NRG3: variants seen among roughly 807,000 people sequenced by gnomAD.
NRG3 encodes the protein neuregulin 3.
A neutral mutation model predicts 66.9 loss-of-function variants in NRG3; 31 were observed. That is an observed-to-expected ratio of 0.46 (90% CI 0.35 to 0.63). The LOEUF is 0.63. Ranked by LOEUF, NRG3 falls within the 20% of genes least tolerant of loss-of-function variation. The probability of loss-of-function intolerance (pLI) is 0.00; values close to 1 mark genes in which losing one functional copy is unlikely to be tolerated. For synonymous variants in NRG3, 393 were observed against 359.4 expected (o/e 1.09, Z -1.06); for missense variants, 910 against 878.9 (o/e 1.04, Z -0.45).
At chr10:82,230,229 C>T (rs1183942141) in intron 1 of NRG3, 1 of 152,138 alleles carries the variant, frequency 6.6e-6, no homozygotes, top group African/African-American at 2.4e-5. Flanking sequence ...ACACAGTCAT[C>T]CGTTGGTATC....
At chr10:82,665,131 C>A (rs1293585856) in intron 2 of NRG3, among the ~76,000 whole-genome samples, 1 of 152,136 alleles carries the variant, frequency 6.6e-6, no homozygotes, top group African/African-American at 2.4e-5. Flanking sequence ...TTTGCTCCAT[C>A]CCGTTCCTGA....
At chr10:82,212,815 TAAC>T (rs2075465413) in intron 1 of NRG3, among the ~76,000 whole-genome samples, 1 of 152,252 alleles carries the variant, frequency 6.6e-6, no homozygotes, top group African/African-American at 2.4e-5. Context: ...ATGGCAGATG[TAAC>T]ATCTGATGTG....
At chr10:82,362,677 A>C (rs545442499) in intron 2 of NRG3, among the ~76,000 whole-genome samples, 2 of 148,778 alleles carry the variant, frequency 1.3e-5, no homozygotes, top group East Asian at 4.0e-4. Flanking sequence ...GGTGTGAGTT[A>C]CTATGCCCAG....
chr10:81,889,467 C>T (rs772647466), intron 1 of NRG3: 1 of 152,162 alleles, frequency 6.6e-6, no homozygotes, highest in Admixed American at 6.5e-5. Flanking sequence ...ATATCGGCAG[C>T]TAAAATTAGT....
intron 4 of NRG3, among the ~76,000 whole-genome samples, chr10:82,890,655 A>T (rs1843072854): frequency 6.6e-6 from 1 of 152,124 alleles, no homozygotes. Flanking sequence ...GGACCATAAG[A>T]TATATGTCTC....
intron 2 of NRG3, among the ~76,000 whole-genome samples, chr10:82,735,771 G>A (rs776481329): frequency 8.5e-5 from 13 of 152,108 alleles, no homozygotes; most frequent in Non-Finnish European, 1.8e-4. Flanking sequence ...GGGTGGCTAG[G>A]GGAGGGATAG....
chr10:82,139,864 A>C (rs1360648566), intron 1 of NRG3, among the ~76,000 whole-genome samples: 1 of 151,970 alleles, frequency 6.6e-6, no homozygotes, highest in Non-Finnish European at 1.5e-5. Context: ...GCAGTGTACA[A>C]CTATCAGAAC....
intron 1 of NRG3, among the ~76,000 whole-genome samples, chr10:82,011,780 C>T (rs572777255): frequency 5.9e-5 from 9 of 152,332 alleles, no homozygotes; most frequent in African/African-American, 2.2e-4. Context: ...CCATGTCTCA[C>T]ATCCAAGTCA....
At chr10:82,183,596 A>G (rs1386544528) in intron 1 of NRG3, among the ~76,000 whole-genome samples, 1 of 152,080 alleles carries the variant, frequency 6.6e-6, no homozygotes, top group Non-Finnish European at 1.5e-5. Context: ...AAGATCAAAC[A>G]AGATATTTAA....
chr10:82,346,110 G>C (rs1439684948), intron 1 of NRG3, among the ~76,000 whole-genome samples: 1 of 146,228 alleles, frequency 6.8e-6, no homozygotes, highest in African/African-American at 2.6e-5. Flanking sequence ...TGTTGAATAG[G>C]AGTGGTGAGA....
intron 1 of NRG3, among the ~76,000 whole-genome samples, chr10:82,355,966 G>A (rs1480975928): frequency 6.6e-6 from 1 of 152,128 alleles, no homozygotes; most frequent in Non-Finnish European, 1.5e-5. Flanking sequence ...TCATTGTGAA[G>A]GTTAAGCATG....
intron 1 of NRG3, among the ~76,000 whole-genome samples, chr10:81,886,182 A>C (rs1589350749): frequency 6.6e-6 from 1 of 152,176 alleles, no homozygotes; most frequent in Non-Finnish European, 1.5e-5. Context: ...ATTAAAAAAC[A>C]AAAACAAAAA....
rs184758222 is a variant in NRG3, at chr10:82,959,221, G to A, written c.1284+146G>A. On this transcript the variant is annotated intron_variant, in intron 6 of 8. Transcript: ENST00000372141. Reference sequence around the variant, plus strand: ...AATCGTTTTAACAGTTCTGGGCTGGGACGTATGCACACATGCATGTATGTA... The same window carrying A: ...AATCGTTTTAACAGTTCTGGGCTGGAACGTATGCACACATGCATGTATGTA... The A allele has an allele frequency of 3.0e-4, 246 of 815,006 alleles. No homozygotes were observed. In the African/African-American group the frequency reaches 3.9e-3, roughly 13 times the overall value. 50.5% of individuals were successfully genotyped at this position (815,006 alleles called of 1,614,324 possible).
Position 82,400,109 on chromosome 10 carries a change from AG to A in NRG3, c.953+41242del, listed in dbSNP as rs576739524. ...TTTAATCGCTAGAAAAAGAAAGCAA[AG>A]CATAGATAACATATATAATTATCCC... On this transcript the variant is annotated intron_variant, in intron 2 of 8. Transcript: ENST00000372141. 3.3e-5 allele frequency among the ~76,000 whole-genome samples: 5 copies of A among 152,282 alleles called. No individual in the cohort carries two copies. The South Asian group carries it at 1.0e-3, about 32-fold the overall frequency.
At chr10:82,882,770 T>C (rs1842413263) in intron 4 of NRG3, among the ~76,000 whole-genome samples, 2 of 152,102 alleles carry the variant, frequency 1.3e-5, no homozygotes, top group South Asian at 4.1e-4. Context: ...AGGACTTCCA[T>C]ATGCCACAAA....
At position 82,973,836 on chromosome 10, in the gene NRG3, G is replaced by A; in HGVS notation, c.1333G>A (p.Glu445Lys). ...TGTGACTGCATTGGAGAAAATGATG[G>A]AGTCAAGTTTTGTCGGCCCCCAGTC... is the stretch of plus-strand genomic sequence containing the variant. ...HPVTALEKMM[E>K]SSFVGPQSFP... Residue 445 changes from glutamate to lysine, a missense_variant, in exon 7 of 9, where the codon GAG (glutamate) becomes AAG (lysine). Physicochemically the swap from Glu to Lys is moderately conservative, Grantham distance 56. Coordinates refer to ENST00000372141, the MANE Select transcript of NRG3 (RefSeq NM_001010848.4). 1.2e-6 allele frequency: 2 copies of A among 1,613,992 alleles called. No individual in the cohort carries two copies.
intron 2 of NRG3, among the ~76,000 whole-genome samples, chr10:82,360,404 T>G (rs1178003222): frequency 6.6e-6 from 1 of 152,176 alleles, no homozygotes; most frequent in Admixed American, 6.5e-5. Context: ...ATGCAATCAA[T>G]TATGTTTGAA....
intron 1 of NRG3, among the ~76,000 whole-genome samples, chr10:82,052,999 A>G (rs2063670528): frequency 2.0e-5 from 3 of 151,946 alleles, no homozygotes. Context: ...TTCATTATTA[A>G]TAAAATTTAT....
chr10:82,257,915 AT>A, intron 1 of NRG3, among the ~76,000 whole-genome samples: 1 of 152,300 alleles, frequency 6.6e-6, no homozygotes, highest in East Asian at 1.9e-4. Flanking sequence ...TTCTACCCCT[AT>A]TACCTGCTAA....
Sources: allele counts gnomAD v4.1 joint callset (sites outside exome capture counted in the v4.1 genomes callset), GRCh38; gene constraint gnomAD v4.1.1; transcripts MANE v1.5; gene names NCBI Gene and HGNC (gene_info 2026-07-23, HGNC 2026-07-21).